DNA2: variants seen among roughly 807,000 people sequenced by gnomAD.
The protein encoded by DNA2 is DNA replication ATP-dependent helicase/nuclease DNA2.
A neutral mutation model predicts 119.1 loss-of-function variants in DNA2; 101 were observed. The ratio of observed to expected loss-of-function variants is 0.85; its 90% CI spans 0.72 to 1.00. DNA2 has a LOEUF of 1.00. Among genes scored for constraint, DNA2 ranks in the 50% least tolerant of loss-of-function variants. DNA2 has a pLI of 0.00. For missense variants in DNA2, 1,121 were observed against 1,255.5 expected, an observed-to-expected ratio of 0.89 and a Z score of 1.62; for synonymous variants, 366 against 424.4, an observed-to-expected ratio of 0.86 and a Z score of 1.69.
intron 18 of DNA2, 103 bp from the exon 19 acceptor site, chr10:68,419,316 T>A: frequency 1.1e-6 from 1 of 884,584 alleles, no homozygotes; most frequent in Non-Finnish European, 1.6e-6. Flanking sequence ...AACTGATGTT[T>A]ATAACAAACT....
intron 19 of DNA2, among the ~76,000 whole-genome samples, chr10:68,418,669 A>AT (rs34507769): frequency 0.017 from 1,895 of 113,792 alleles, 29 homozygotes; most frequent in East Asian, 0.04. Context: ...TTAAACCGCA[A>AT]TTTTTTTTTT....
In DNA2 at chr10:68,422,750, C is replaced by G; in HGVS notation, c.2349G>C (p.Val783=). Residue 783 remains valine, a synonymous_variant, in exon 15 of 21, where the codon GTG becomes GTC. Transcript: ENST00000358410. ...LGPLFFSRRF[V]LVGDHQQLPP... is the part of the protein sequence containing the mutation. ...GAAGCTGCTGATGGTCCCCCACTAA[C>G]ACAAATCTCCGTGAAAAAAAAAGGG... The G allele has an allele frequency of 6.2e-7, 1 of 1,611,362 alleles. No homozygotes were observed. Among genetic ancestry groups the G allele is most frequent in the Non-Finnish European group, 8.5e-7 (1 of 1,179,346 alleles).
chr10:68,442,375 C>T (rs370070923), intron 9 of DNA2, among the ~76,000 whole-genome samples: 22 of 151,848 alleles, frequency 1.4e-4, no homozygotes, highest in Non-Finnish European at 2.7e-4. Flanking sequence ...CCTGCCACCA[C>T]GCCCGGCTAA....
At chr10:68,465,253 C>CG (rs58205083) in intron 4 of DNA2, among the ~76,000 whole-genome samples, 146,691 of 152,020 alleles carry the variant, frequency 0.96, 70,817 homozygotes, top group African/African-American at 0.99. Flanking sequence ...TTCCTGACTT[C>CG]TGATCCGCCC....
intron 5 of DNA2, among the ~76,000 whole-genome samples, chr10:68,454,268 T>G (rs770142063): frequency 7.2e-5 from 11 of 151,780 alleles, no homozygotes; most frequent in Non-Finnish European, 1.3e-4. Flanking sequence ...GGCACACATA[T>G]AGCATTGAAT....
intron 4 of DNA2, among the ~76,000 whole-genome samples, chr10:68,463,475 A>G (rs1407706586): frequency 2.0e-5 from 3 of 146,856 alleles, no homozygotes; most frequent in Admixed American, 1.4e-4. Flanking sequence ...TGTAAAGACC[A>G]TGATGATAAC....
chr10:68,449,259 T>A (rs1177903614), intron 6 of DNA2, among the ~76,000 whole-genome samples: 1 of 152,190 alleles, frequency 6.6e-6, no homozygotes, highest in East Asian at 1.9e-4. Flanking sequence ...TGACATAATG[T>A]TCCTTCCTCC....
chr10:68,422,556 C>G lies in DNA2; in HGVS notation c.2451G>C (p.Lys817Asn). The G allele has an allele frequency of 6.2e-6, 10 of 1,614,044 alleles. No individual in the cohort carries two copies. Among genetic ancestry groups the G allele is most frequent in the Non-Finnish European group, 8.5e-6 (10 of 1,179,904 alleles). The part of the protein sequence containing the change: ...ESLFKRLEQN[K>N]SAVVQLTVQY... ...GCACGGTTAACTGTACAACAGCACT[C>G]TTATTCTGCTCCAGCCTCTTGAATA... The change falls in exon 16 of 21, where the codon AAG becomes AAC. Residue 817 changes from lysine to asparagine, a missense_variant. Lys to Asn is a moderately conservative substitution (Grantham distance 94). Transcript: ENST00000358410.
chr10:68,416,198 TG>T (rs2051587287), intron 20 of DNA2, among the ~76,000 whole-genome samples: 1 of 152,102 alleles, frequency 6.6e-6, no homozygotes, highest in African/African-American at 2.4e-5. Context: ...CTGAATGTGG[TG>T]GCTGACACCT....
At chr10:68,423,718 T>C (rs1455424358) in intron 14 of DNA2, among the ~76,000 whole-genome samples, 4 of 152,142 alleles carry the variant, frequency 2.6e-5, no homozygotes, top group Non-Finnish European at 4.4e-5. Flanking sequence ...CGATGACTGG[T>C]AACTGGCACC....
Position 68,471,773 on chromosome 10 carries a change from TC to T in DNA2, c.74+17del. 2 of 1,582,712 alleles carry T rather than the reference TC, an allele frequency of 1.3e-6. No individual in the cohort carries two copies. Among genetic ancestry groups the T allele is most frequent in the Non-Finnish European group, 1.7e-6 (2 of 1,165,654 alleles). On this transcript the variant is annotated intron_variant, in intron 1 of 20. Coordinates refer to ENST00000358410, the MANE Select transcript of DNA2 (RefSeq NM_001080449.3). Reference sequence around the variant, plus strand: ...AATCTCCCGCTTTGTTCCCACACCCTCCCCCCTCTCCGCTCACAGCTCCGCC... The same window carrying T: ...AATCTCCCGCTTTGTTCCCACACCCTCCCCCTCTCCGCTCACAGCTCCGCC...
At chr10:68,449,952 A>T in intron 6 of DNA2, 76 bp downstream of exon 6, 1 of 1,068,848 alleles carries the variant, frequency 9.4e-7, no homozygotes, top group Non-Finnish European at 1.3e-6. Flanking sequence ...CCAGCCTGGG[A>T]GACAGAACAA....
At chr10:68,423,755 T>A (rs2051697164) in intron 14 of DNA2, among the ~76,000 whole-genome samples, 1 of 152,098 alleles carries the variant, frequency 6.6e-6, no homozygotes, top group Non-Finnish European at 1.5e-5. Flanking sequence ...AGAGACCACA[T>A]CAGAAGCCTA....
chr10:68,458,725 G>A (rs1448615757), intron 5 of DNA2, among the ~76,000 whole-genome samples: 1 of 151,952 alleles, frequency 6.6e-6, no homozygotes, highest in Admixed American at 6.6e-5. Context: ...GCAGGCGCCT[G>A]TAATCCCACC....
chr10:68,468,532 C>A (rs1396498011), intron 2 of DNA2, among the ~76,000 whole-genome samples: 1 of 152,114 alleles, frequency 6.6e-6, no homozygotes, highest in East Asian at 1.9e-4. Context: ...TCTGAGAATA[C>A]TCAAGGGTCT....
At chr10:68,449,920 G>A in intron 6 of DNA2, 108 bp downstream of exon 6, 1 of 779,838 alleles carries the variant, frequency 1.3e-6, no homozygotes, top group Non-Finnish European at 2.0e-6. Context: ...CTTTCAGTGA[G>A]CCAAGACCAC....
intron 6 of DNA2, among the ~76,000 whole-genome samples, chr10:68,447,997 T>A (rs1484066236): frequency 1.8e-4 from 24 of 132,636 alleles, no homozygotes; most frequent in African/African-American, 4.8e-4. Context: ...AAAAAAAAAA[T>A]TTAATTTACA....
chr10:68,469,985 C>T lies in DNA2; in HGVS notation c.253G>A (p.Asp85Asn), dbSNP rs2052366995. 1.3e-6 allele frequency: 2 copies of T among 1,595,608 alleles called. No homozygotes were observed. Among genetic ancestry groups the T allele is most frequent in the African/African-American group, 2.7e-5 (2 of 73,838 alleles). ...ENKELCILRN[D>N]WCSVPVEPGD... is the part of the protein sequence containing the mutation. The stretch of plus-strand genomic sequence containing the variant: ...TCAAAGTCACATAAAAATTACCAGT[C>T]ATTCCTAAGGATGCATAGTTCTTTA... The change falls in exon 2 of 21, where the codon GAC becomes AAC. Residue 85 changes from aspartate (D) to asparagine (N), a missense_variant. Physicochemically the swap from Asp to Asn is conservative, Grantham distance 23 (BLOSUM62 1). Coordinates refer to ENST00000358410, the MANE Select transcript of DNA2 (RefSeq NM_001080449.3).
At chr10:68,416,190 G>A (rs2133350273) in intron 20 of DNA2, among the ~76,000 whole-genome samples, 1 of 152,248 alleles carries the variant, frequency 6.6e-6, no homozygotes, top group Admixed American at 6.5e-5. Flanking sequence ...AAAAAAGGCT[G>A]AATGTGGTGG....
Sources: gnomAD v4.1 joint callset for allele counts (sites outside exome capture counted in the v4.1 genomes callset) on GRCh38, gnomAD v4.1.1 for gene constraint, MANE v1.5 for transcripts, NCBI Gene and HGNC (gene_info 2026-07-23, HGNC 2026-07-21) for gene names.